Variants in TECRL observed in about 807,000 individuals in gnomAD.
The protein encoded by TECRL is trans-2,3-enoyl-CoA reductase-like.
TECRL carries 63 observed loss-of-function variants against 52.8 expected under a neutral mutation model. The ratio of observed to expected loss-of-function variants is 1.19; its 90% CI spans 0.97 to 1.47. The LOEUF (loss-of-function observed/expected upper bound fraction) is 1.47, where lower values mean the gene tolerates loss of function less well. Ranked by LOEUF, TECRL falls within the 40% of genes most tolerant of loss-of-function variation. The pLI is 0.00. For synonymous variants in TECRL, 164 were observed against 141.9 expected (o/e 1.16, Z -1.10); for missense variants, 482 against 429.6 (o/e 1.12, Z -1.08).
intron 4 of TECRL, among the ~76,000 whole-genome samples, chr4:64,322,025 A>G (rs1717935280): frequency 6.6e-6 from 1 of 152,178 alleles, no homozygotes; most frequent in East Asian, 1.9e-4. Flanking sequence ...ATAGTCCCAT[A>G]GACAGTTATT....
intron 1 of TECRL, among the ~76,000 whole-genome samples, chr4:64,384,708 G>A (rs779628089): frequency 2.3e-4 from 35 of 152,012 alleles, no homozygotes; most frequent in Admixed American, 1.2e-3. Context: ...TGGTGTGCAT[G>A]GACACAGGTT....
chr4:64,376,110 A>G (rs1722381125), intron 1 of TECRL, among the ~76,000 whole-genome samples: 1 of 151,950 alleles, frequency 6.6e-6, no homozygotes, highest in African/African-American at 2.4e-5. Context: ...ATGTTGGTGC[A>G]TAATAGTCCA....
intron 4 of TECRL, among the ~76,000 whole-genome samples, chr4:64,319,523 A>G (rs916435481): frequency 1.3e-5 from 2 of 151,884 alleles, no homozygotes; most frequent in African/African-American, 4.8e-5. Flanking sequence ...GACAAGTTAA[A>G]GAAGGAGAGA....
At chr4:64,405,123 T>C (rs1724620145) in intron 1 of TECRL, among the ~76,000 whole-genome samples, 1 of 152,130 alleles carries the variant, frequency 6.6e-6, no homozygotes, top group Non-Finnish European at 1.5e-5. Flanking sequence ...AGTAAAGAAG[T>C]AAAACAAGGA....
intron 2 of TECRL, among the ~76,000 whole-genome samples, chr4:64,353,395 T>C (rs1169488462): frequency 2.0e-5 from 3 of 152,150 alleles, no homozygotes; most frequent in Non-Finnish European, 2.9e-5. Context: ...GAGACTATTA[T>C]AGGTATACAG....
intron 2 of TECRL, among the ~76,000 whole-genome samples, chr4:64,357,816 T>C (rs1720878449): frequency 6.6e-6 from 1 of 151,640 alleles, no homozygotes; most frequent in Non-Finnish European, 1.5e-5. Context: ...ATGTTTGAAA[T>C]TCATTTTTTT....
intron 7 of TECRL, among the ~76,000 whole-genome samples, chr4:64,302,419 G>A (rs1383356263): frequency 4.0e-5 from 6 of 150,976 alleles, no homozygotes; most frequent in Non-Finnish European, 8.9e-5. Flanking sequence ...CAACTATGAC[G>A]AAAAAACAAC....
chr4:64,365,186 T>A (rs2109632178), intron 2 of TECRL, among the ~76,000 whole-genome samples: 1 of 140,682 alleles, frequency 7.1e-6, no homozygotes, highest in Non-Finnish European at 1.5e-5. Context: ...GGCTTTTCGT[T>A]AAATTCAGTA....
chr4:64,349,726 G>A (rs953881367), intron 2 of TECRL, among the ~76,000 whole-genome samples: 10 of 152,130 alleles, frequency 6.6e-5, no homozygotes, highest in African/African-American at 2.2e-4. Context: ...TTATGTTGTG[G>A]TGCACAGCCA....
At chr4:64,298,120 T>G (rs1272609429) in intron 8 of TECRL, among the ~76,000 whole-genome samples, 1 of 151,140 alleles carries the variant, frequency 6.6e-6, no homozygotes, top group African/African-American at 2.4e-5. Flanking sequence ...CTTTCAATAT[T>G]TAAAAAATAT....
chr4:64,341,418 G>A (rs1303436650), intron 2 of TECRL, among the ~76,000 whole-genome samples: 1 of 152,062 alleles, frequency 6.6e-6, no homozygotes, highest in African/African-American at 2.4e-5. Flanking sequence ...TAACCAACAT[G>A]GCAAAAACCC....
rs1310287651 is a variant in TECRL at position 64,309,818 on chromosome 4, A to T, written c.657+8T>A. On this transcript the variant is annotated splice_region_variant and intron_variant, in intron 6 of 11. Coordinates refer to ENST00000381210, the MANE Select transcript of TECRL (RefSeq NM_001010874.5). ...TCAATCATTATTAAAAACACAAAGC[A>T]TCCTCACCATTATCAAATTTTTCAA... is the stretch of plus-strand genomic sequence containing the variant. The T allele has an allele frequency of 1.3e-6, 2 of 1,541,424 alleles. No individual in the cohort carries two copies. Among genetic ancestry groups the T allele is most frequent in the Non-Finnish European group, 1.8e-6 (2 of 1,115,866 alleles).
chr4:64,369,359 T>C (rs1321163782), intron 2 of TECRL, among the ~76,000 whole-genome samples: 1 of 152,176 alleles, frequency 6.6e-6, no homozygotes, highest in East Asian at 1.9e-4. Context: ...TTTTTTACAC[T>C]GCCATATGAC....
chr4:64,298,202 G>T (rs1723795864), intron 8 of TECRL, among the ~76,000 whole-genome samples: 1 of 151,072 alleles, frequency 6.6e-6, no homozygotes, highest in Non-Finnish European at 1.5e-5. Flanking sequence ...GACAATGCTT[G>T]CTATGTGCTT....
chr4:64,282,601 T>C (rs1041205512), intron 9 of TECRL, among the ~76,000 whole-genome samples: 4 of 151,980 alleles, frequency 2.6e-5, no homozygotes, highest in East Asian at 1.9e-4. Context: ...ACCCAAGTTA[T>C]AGTTACTGAA....
chr4:64,305,081 C>T (rs1724250034), intron 7 of TECRL, 85 bp downstream of exon 7: 1 of 942,240 alleles, frequency 1.1e-6, no homozygotes, highest in Admixed American at 2.5e-5. Flanking sequence ...TCATTTTTTA[C>T]TTATTCCTTT....
Position 64,409,128 on chromosome 4 carries a change from A to G in TECRL, c.224T>C (p.Ile75Thr). The G allele has an allele frequency of 6.2e-7, 1 of 1,608,590 alleles. No individual in the cohort carries two copies. Among genetic ancestry groups the G allele is most frequent in the African/African-American group, 1.3e-5 (1 of 74,882 alleles). ...AATAAATAAACTCACCTTATCCAGAATACATATCTGTTTCCTTGTTTGAGC... is the reference window on the plus strand; with the variant it reads ...AATAAATAAACTCACCTTATCCAGAGTACATATCTGTTTCCTTGTTTGAGC... ...FDAQTRKQICILDKVTQSSTI... is the reference protein window; with the variant it reads ...FDAQTRKQICTLDKVTQSSTI... Residue 75 changes from isoleucine (I) to threonine (T), a missense_variant, in exon 1 of 12, where the codon ATT becomes ACT. Coordinates refer to ENST00000381210, the MANE Select transcript of TECRL (RefSeq NM_001010874.5).
chr4:64,289,723 A>T lies in TECRL; in HGVS notation c.819T>A (p.His273Gln), dbSNP rs371504855. 5.8e-6 allele frequency: 9 copies of T among 1,546,548 alleles called. No homozygotes were observed. The highest frequency in any genetic ancestry group is 2.8e-5 in the African/African-American group (2 of 70,192). The change falls in exon 9 of 12, where the codon CAT (histidine) becomes CAA (glutamine). Residue 273 changes from histidine to glutamine, a missense_variant. Transcript: ENST00000381210. ...AAAAGAACTAACCTGTGTGATTGGG[A>T]TGAGACAACATTACATTGATGAAAT... The part of the protein sequence containing the change: ...GNHFINVMLS[H>Q]PNHTGNNACF...
chr4:64,380,798 C>G (rs909714636), intron 1 of TECRL, among the ~76,000 whole-genome samples: 7 of 152,020 alleles, frequency 4.6e-5, no homozygotes, highest in African/African-American at 1.7e-4. Context: ...GTTACTATAG[C>G]TTTGAAGTAT....
Sources: gnomAD v4.1 joint callset for allele counts (sites outside exome capture counted in the v4.1 genomes callset) on GRCh38, gnomAD v4.1.1 for gene constraint, MANE v1.5 for transcripts, NCBI Gene and HGNC (gene_info 2026-07-23, HGNC 2026-07-21) for gene names.